Variants in TMCO4 observed in about 807,000 individuals in gnomAD.
The protein encoded by TMCO4 is transmembrane and coiled-coil domains 4, also known as transmembrane and coiled-coil domain-containing protein 4.
In TMCO4, 58 loss-of-function variants were observed where a neutral mutation model predicts 64.7. That is an observed-to-expected ratio of 0.90 (90% CI 0.73 to 1.12). TMCO4 has a LOEUF of 1.12. TMCO4 is among the 50% of genes most tolerant of loss of function. TMCO4 has a pLI of 0.00. For missense variants in TMCO4, 780 were observed against 825.9 expected (o/e 0.94, Z 0.68); for synonymous variants, 325 against 346.1 (o/e 0.94, Z 0.68).
intron 2 of TMCO4, among the ~76,000 whole-genome samples, chr1:19,793,329 A>G (rs989116311): frequency 6.6e-6 from 1 of 152,194 alleles, no homozygotes; most frequent in Non-Finnish European, 1.5e-5. Flanking sequence ...GAGAAAGAAA[A>G]GCATTTGGCT....
chr1:19,721,765 G>GTTGAAATT (rs2095384958), intron 13 of TMCO4, among the ~76,000 whole-genome samples: 2 of 151,982 alleles, frequency 1.3e-5, no homozygotes, highest in African/African-American at 4.8e-5. Flanking sequence ...CTCCAGCCTG[G>GTTGAAATT]GTGACAGAGG....
At chr1:19,798,010 AAAGAAAAG>A (rs2044420128) in intron 2 of TMCO4, 119 bp downstream of exon 2, 1 of 171,088 alleles carries the variant, frequency 5.8e-6, no homozygotes, top group Non-Finnish European at 1.1e-5. Context: ...AAAGAAAAGA[AAAGAAAAG>A]GAGAAAGAAG....
chr1:19,788,839 G>C (rs1297807217), intron 2 of TMCO4, among the ~76,000 whole-genome samples: 1 of 152,146 alleles, frequency 6.6e-6, no homozygotes, highest in East Asian at 1.9e-4. Flanking sequence ...ATTTTGGGAG[G>C]CCGAGGCAGG....
At chr1:19,701,031 TACAC>T in intron 13 of TMCO4, 146 bp from the exon 14 acceptor site, 1 of 654,176 alleles carries the variant, frequency 1.5e-6, no homozygotes, top group Non-Finnish European at 2.6e-6. Flanking sequence ...AATGTGCATG[TACAC>T]ACATGCAAAC....
In TMCO4 at chr1:19,734,043, G is replaced by A. The variant is rs777855899; in HGVS notation, c.1264+3329C>T. 5.3e-5 allele frequency among the ~76,000 whole-genome samples: 8 copies of A among 152,314 alleles called. No individual in the cohort carries two copies. The highest frequency in any genetic ancestry group is 4.1e-4 in the South Asian group (2 of 4,824). ...GCAGTGTATTCCATAAGTGTGTGCT[G>A]TGTGGTTACTACTACTACTATTATC... is the stretch of plus-strand genomic sequence containing the variant. On this transcript the variant is annotated intron_variant, in intron 13 of 15. Transcript: ENST00000294543. This position sits in a 1 kb window ranked among gnomAD's most constrained non-coding sequence, Gnocchi z 4.4.
Position 19,707,450 on chromosome 1 carries a change from C to T in TMCO4, c.1265-6565G>A, listed in dbSNP as rs181792029. On this transcript the variant is annotated intron_variant, in intron 13 of 15. Coordinates refer to ENST00000294543, the MANE Select transcript of TMCO4 (RefSeq NM_181719.7). ...CCAGTCTGGCCAACATGGCAAAACC[C>T]AGTCTCTACTAAAAACACAAAAATT... 4.1e-3 allele frequency among the ~76,000 whole-genome samples: 619 copies of T among 152,304 alleles called. 3 individuals are homozygous for T. The highest frequency in any genetic ancestry group is 0.014 in the African/African-American group (584 of 41,564).
intron 7 of TMCO4, among the ~76,000 whole-genome samples, chr1:19,751,833 G>A (rs1339781473): frequency 6.6e-6 from 1 of 152,134 alleles, no homozygotes; most frequent in Non-Finnish European, 1.5e-5. Context: ...TGGATCACGA[G>A]GTCAGGAGAT....
intron 6 of TMCO4, among the ~76,000 whole-genome samples, chr1:19,758,268 G>A (rs552771463): frequency 6.6e-6 from 1 of 151,896 alleles, no homozygotes; most frequent in East Asian, 1.9e-4. Flanking sequence ...AGCTGTCTAC[G>A]TGCTGGGGAC....
At chr1:19,797,901 A>G (rs868198405) in intron 2 of TMCO4, among the ~76,000 whole-genome samples, 5 of 127,652 alleles carry the variant, frequency 3.9e-5, no homozygotes, top group African/African-American at 1.2e-4. Context: ...AGAGAGAGAG[A>G]GGGAGGGAGA....
chr1:19,784,587 CA>C (rs2043639984), intron 3 of TMCO4, among the ~76,000 whole-genome samples: 1 of 152,074 alleles, frequency 6.6e-6, no homozygotes, highest in East Asian at 1.9e-4. Flanking sequence ...TTCATTCATT[CA>C]ACACAATTTC....
intron 6 of TMCO4, among the ~76,000 whole-genome samples, chr1:19,764,555 C>T (rs2042644576): frequency 6.6e-6 from 1 of 152,168 alleles, no homozygotes; most frequent in South Asian, 2.1e-4. Context: ...GGATTATAAA[C>T]TGTATGAGTC....
Position 19,761,122 on chromosome 1 carries a change from G to A in TMCO4, c.383-5356C>T, listed in dbSNP as rs376361816. Among the ~76,000 whole-genome samples the A allele has an allele frequency of 9.5e-4, 144 of 152,294 alleles. No individual in the cohort carries two copies. The Middle Eastern group carries it at 0.01, about 11-fold the overall frequency. On this transcript the variant is annotated intron_variant, in intron 6 of 15. Coordinates refer to ENST00000294543, the MANE Select transcript of TMCO4 (RefSeq NM_181719.7). ...AAACTCCATCTTCTCAAAGAGGAAAGTGAGGTGCAGAGAGCTTAGGCCAGT... is the reference window on the plus strand; with the variant it reads ...AAACTCCATCTTCTCAAAGAGGAAAATGAGGTGCAGAGAGCTTAGGCCAGT...
intron 2 of TMCO4, among the ~76,000 whole-genome samples, chr1:19,789,096 TA>T (rs981326267): frequency 9.3e-5 from 13 of 139,124 alleles, no homozygotes; most frequent in African/African-American, 3.2e-4. Context: ...AAAATTAAAT[TA>T]AAAAAAACAA....
intron 14 of TMCO4, among the ~76,000 whole-genome samples, chr1:19,699,053 G>A (rs1017157469): frequency 8.5e-5 from 13 of 152,158 alleles, no homozygotes; most frequent in South Asian, 6.2e-4. Flanking sequence ...TAAATTAGCC[G>A]GGCGTGGTGG....
chr1:19,790,109 C>T (rs368186916), intron 2 of TMCO4, among the ~76,000 whole-genome samples: 14 of 149,612 alleles, frequency 9.4e-5, no homozygotes, highest in African/African-American at 3.2e-4. Flanking sequence ...GCTGGGAGAA[C>T]TGGCTAGCCG....
intron 13 of TMCO4, among the ~76,000 whole-genome samples, chr1:19,703,818 G>A (rs555183730): frequency 7.9e-5 from 12 of 152,272 alleles, no homozygotes; most frequent in Admixed American, 5.2e-4. Context: ...AAAGTGCTGG[G>A]ATTACAGGCA....
At chr1:19,761,941 C>T (rs1406404944) in intron 6 of TMCO4, among the ~76,000 whole-genome samples, 1 of 152,230 alleles carries the variant, frequency 6.6e-6, no homozygotes, top group East Asian at 1.9e-4. Context: ...AAGCAGCAGG[C>T]ATCATGGCAG....
chr1:19,749,680 C>T (rs982360325), intron 7 of TMCO4, among the ~76,000 whole-genome samples: 3 of 152,044 alleles, frequency 2.0e-5, no homozygotes, highest in African/African-American at 4.8e-5. Context: ...CTGGTAGAAT[C>T]TTTAAAGCCA....
At chr1:19,751,099 C>T (rs1282802156) in intron 7 of TMCO4, among the ~76,000 whole-genome samples, 5 of 152,214 alleles carry the variant, frequency 3.3e-5, no homozygotes, top group South Asian at 2.1e-4. Flanking sequence ...TCTCACAGCA[C>T]GGACCAAGCC....
Sources: allele counts gnomAD v4.1 joint callset (sites outside exome capture counted in the v4.1 genomes callset), GRCh38; gene constraint gnomAD v4.1.1; non-coding constraint Gnocchi (gnomAD v3.1); transcripts MANE v1.5; gene names NCBI Gene and HGNC (gene_info 2026-07-23, HGNC 2026-07-21).